ZC4H2: variants seen among roughly 807,000 people sequenced by gnomAD.
ZC4H2 encodes zinc finger C4H2 domain-containing protein.
For missense variants in ZC4H2, 137 were observed against 173.9 expected (o/e 0.79, Z 1.19); for synonymous variants, 84 against 66.3 (o/e 1.27, Z -1.30).
intron 1 of ZC4H2, among the ~76,000 whole-genome samples, chrX:64,998,947 T>A (rs1932471365): frequency 1.8e-5 from 2 of 109,970 alleles, no homozygotes; most frequent in South Asian, 7.6e-4. Context: ...TATTTTCATT[T>A]AATATGAATA....
At chrX:65,005,167 T>A (rs1932630389) in intron 1 of ZC4H2, among the ~76,000 whole-genome samples, 1 of 112,063 alleles carries the variant, frequency 8.9e-6, no homozygotes, top group Non-Finnish European at 1.9e-5. Flanking sequence ...CGAAGTTATT[T>A]ATAGATTCAA....
intron 1 of ZC4H2, among the ~76,000 whole-genome samples, chrX:65,019,497 CA>C (rs1023732619): frequency 8.9e-6 from 1 of 112,059 alleles, no homozygotes; most frequent in African/African-American, 3.2e-5. Flanking sequence ...TCAACATCAA[CA>C]AAAAGGACGT....
At chrX:65,012,284 AAAAG>A (rs1379995605) in intron 1 of ZC4H2, among the ~76,000 whole-genome samples, 4 of 109,547 alleles carry the variant, frequency 3.7e-5, no homozygotes, top group Non-Finnish European at 5.7e-5. Flanking sequence ...GAAAAGAAAA[AAAAG>A]AAAGAAATCT....
At chrX:65,003,462 A>C (rs1288177991) in intron 1 of ZC4H2, among the ~76,000 whole-genome samples, 2 of 112,304 alleles carry the variant, frequency 1.8e-5, no homozygotes, top group African/African-American at 6.5e-5. Context: ...AGAGACACAA[A>C]AAAACCCTGC....
intron 1 of ZC4H2, among the ~76,000 whole-genome samples, chrX:64,953,675 C>T (rs189953549): frequency 1.8e-5 from 2 of 111,638 alleles, no homozygotes; most frequent in African/African-American, 6.5e-5. Context: ...ACAAAGGGTG[C>T]TGGAGAGAAT....
chrX:64,932,801 A>G (rs1181581823), intron 1 of ZC4H2, among the ~76,000 whole-genome samples: 3 of 110,841 alleles, frequency 2.7e-5, no homozygotes, highest in African/African-American at 9.8e-5. Context: ...GTTTTTTTTA[A>G]TCTTGACTTT....
At chrX:64,977,020 C>T (rs990613170), upstream of ZC4H2, among the ~76,000 whole-genome samples, 9 of 111,120 alleles carry the variant, frequency 8.1e-5, no homozygotes, top group African/African-American at 3.0e-4. Flanking sequence ...GCTACTTACC[C>T]ATTCAACAAA....
chrX:65,002,370 G>A (rs1046763116), intron 1 of ZC4H2, among the ~76,000 whole-genome samples: 30 of 105,076 alleles, frequency 2.9e-4, no homozygotes, highest in Admixed American at 2.5e-3. Context: ...GCCCCCGCCC[G>A]GCCAGCCGCC....
At chrX:64,952,420 C>A (rs1230589755) in intron 1 of ZC4H2, among the ~76,000 whole-genome samples, 1 of 109,802 alleles carries the variant, frequency 9.1e-6, no homozygotes, top group East Asian at 2.9e-4. Context: ...ATATTGACCC[C>A]ATCATGTCAG....
intron 1 of ZC4H2, among the ~76,000 whole-genome samples, chrX:64,954,567 C>G (rs1038116109): frequency 9.6e-6 from 1 of 104,397 alleles, no homozygotes; most frequent in Admixed American, 1.1e-4. Context: ...CAGTTAGTTG[C>G]TTAATGCTGA....
intron 1 of ZC4H2, among the ~76,000 whole-genome samples, chrX:64,987,048 C>T (rs1932201693): frequency 1.9e-5 from 2 of 107,829 alleles, no homozygotes; most frequent in Non-Finnish European, 3.8e-5. Context: ...TTGCCTCAGC[C>T]TCCCGAGTAG....
At chrX:64,950,324 G>T (rs946158420) in intron 1 of ZC4H2, among the ~76,000 whole-genome samples, 1 of 111,910 alleles carries the variant, frequency 8.9e-6, no homozygotes, top group Non-Finnish European at 1.9e-5. Flanking sequence ...TGTATATTCT[G>T]TTGACTTGGG....
At chrX:64,963,778 G>A (rs1043455096) in intron 1 of ZC4H2, among the ~76,000 whole-genome samples, 3 of 111,147 alleles carry the variant, frequency 2.7e-5, no homozygotes, top group African/African-American at 9.8e-5. Context: ...TGTTTATCAT[G>A]GCATTAATTA....
chrX:64,923,903 T>C (rs1929316174), intron 1 of ZC4H2, among the ~76,000 whole-genome samples: 1 of 111,204 alleles, frequency 9.0e-6, no homozygotes, highest in Admixed American at 9.6e-5. Flanking sequence ...GTTACCAGGC[T>C]GAAGGGCATA....
intron 1 of ZC4H2, among the ~76,000 whole-genome samples, chrX:65,003,876 C>CAA (rs767902610): frequency 2.7e-5 from 2 of 73,657 alleles, no homozygotes; most frequent in Non-Finnish European, 5.4e-5. Context: ...AACTATGTCT[C>CAA]AAAAAAAAAA....
At chrX:64,942,593 G>A (rs1930340841) in intron 1 of ZC4H2, among the ~76,000 whole-genome samples, 1 of 104,936 alleles carries the variant, frequency 9.5e-6, no homozygotes, top group African/African-American at 3.5e-5. Flanking sequence ...TTGGTTTTCT[G>A]TTCCTGTGTT....
chrX:64,916,802 T>C lies in ZC4H2; in HGVS notation c.*981A>G, dbSNP rs921570150. The stretch of plus-strand genomic sequence containing the variant: ...AGCTGAGGCTCCAGAAGAGTTCAGA[T>C]CCAAGAGAGCAAGGGATGAATGGAA... On this transcript the variant is annotated 3_prime_UTR_variant, in exon 5 of 5. Coordinates refer to ENST00000374839, the MANE Select transcript of ZC4H2 (RefSeq NM_018684.4). 1 of 111,551 alleles carries C rather than the reference T, an allele frequency of 9.0e-6. No individual in the cohort carries two copies. The highest frequency in any genetic ancestry group is 3.3e-5 in the African/African-American group (1 of 30,603). 9.2% of individuals were successfully genotyped at this position (111,551 alleles called of 1,213,427 possible). A position where few individuals can be genotyped will look rare whatever the true frequency, so the allele number is the denominator to read the frequency against.
chrX:64,938,661 A>T (rs1930127353), intron 1 of ZC4H2, among the ~76,000 whole-genome samples: 1 of 112,215 alleles, frequency 8.9e-6, no homozygotes, highest in African/African-American at 3.2e-5. Flanking sequence ...AATCCATCAC[A>T]TAAACATAAC....
chrX:64,920,484 G>C (rs748796363), intron 2 of ZC4H2, among the ~76,000 whole-genome samples: 2 of 111,787 alleles, frequency 1.8e-5, no homozygotes, highest in South Asian at 7.5e-4. Context: ...GTAATGATAG[G>C]ATTCATATAA....
Sources: allele counts gnomAD v4.1 joint callset (sites outside exome capture counted in the v4.1 genomes callset), GRCh38; gene constraint gnomAD v4.1.1; transcripts MANE v1.5; gene names NCBI Gene and HGNC (gene_info 2026-07-23, HGNC 2026-07-21).